The following CA10 variants were observed in gnomAD, a reference collection of about 807,000 sequenced individuals.
CA10 encodes carbonic anhydrase 10 (inactive).
CA10 carries 14 observed loss-of-function variants against 44.2 expected under a neutral mutation model. The ratio of observed to expected loss-of-function variants is 0.32; its 90% CI spans 0.21 to 0.50. CA10 has a LOEUF of 0.50. Ranked by LOEUF, CA10 falls within the 20% of genes least tolerant of loss-of-function variation. CA10 has a pLI of 0.99. For synonymous variants in CA10, 159 were observed against 141.6 expected (o/e 1.12, Z -0.87); for missense variants, 350 against 409.7 (o/e 0.85, Z 1.26).
chr17:52,088,362 T>C (rs538399908), intron 1 of CA10, among the ~76,000 whole-genome samples: 1 of 152,328 alleles, frequency 6.6e-6, no homozygotes, highest in East Asian at 1.9e-4. Context: ...GCAGTCATTC[T>C]ACCTAAGAAA....
chr17:52,023,933 T>A (rs1244866240), intron 2 of CA10, among the ~76,000 whole-genome samples: 1 of 152,174 alleles, frequency 6.6e-6, no homozygotes, highest in Non-Finnish European at 1.5e-5. Flanking sequence ...TTTTACTATG[T>A]TTTACCTATG....
chr17:51,783,973 A>T (rs1039334019), intron 3 of CA10, among the ~76,000 whole-genome samples: 1 of 152,108 alleles, frequency 6.6e-6, no homozygotes, highest in African/African-American at 2.4e-5. Context: ...TCCTTGAAAG[A>T]GGAGGGGCCT....
intron 3 of CA10, among the ~76,000 whole-genome samples, chr17:51,797,885 CTA>C (rs1906778097): frequency 7.4e-6 from 1 of 135,008 alleles, no homozygotes; most frequent in South Asian, 2.7e-4. Context: ...AGAACGAAAT[CTA>C]TATTTGACAA....
Position 51,820,415 on chromosome 17 carries a change from C to A in CA10, c.280-72597G>T, listed in dbSNP as rs1462499260. 2.4e-3 allele frequency among the ~76,000 whole-genome samples: 231 copies of A among 97,380 alleles called. 3 individuals carry two copies. The highest frequency in any genetic ancestry group is 5.8e-3 in the Admixed American group (61 of 10,478). The allele number at this position is 97,380 out of a possible 152,430, so 63.9% of individuals were successfully genotyped here. ...CCTGGGGATTCCCCTACCCCCCCCC[C>A]CCCGCCCGCCGATTTTCCTGTACAA... On this transcript the variant is annotated intron_variant, in intron 3 of 8. Coordinates refer to ENST00000451037, the MANE Select transcript of CA10 (RefSeq NM_020178.5).
At chr17:51,938,957 C>A (rs1982971598) in intron 2 of CA10, among the ~76,000 whole-genome samples, 1 of 151,428 alleles carries the variant, frequency 6.6e-6, no homozygotes. Context: ...AGAAAAAAAC[C>A]AAAGGAAGTA....
At chr17:51,743,215 A>G (rs1305751546) in intron 4 of CA10, among the ~76,000 whole-genome samples, 2 of 152,252 alleles carry the variant, frequency 1.3e-5, no homozygotes, top group African/African-American at 4.8e-5. Context: ...TGTCTAATGT[A>G]TCCCAAATCA....
intron 3 of CA10, among the ~76,000 whole-genome samples, chr17:51,888,779 G>C (rs891579879): frequency 6.6e-6 from 1 of 152,178 alleles, no homozygotes; most frequent in Non-Finnish European, 1.5e-5. Flanking sequence ...GTGTTCTGCT[G>C]TTCCCATTAC....
intron 4 of CA10, among the ~76,000 whole-genome samples, chr17:51,717,537 A>ATATATATATATG (rs1229296359): frequency 1.1e-4 from 3 of 26,550 alleles, no homozygotes; most frequent in African/African-American, 2.1e-4. Context: ...TGGTATATAT[A>ATATATATATATG]TATATATATA....
At chr17:52,074,875 G>T (rs577503083) in intron 1 of CA10, among the ~76,000 whole-genome samples, 2 of 151,486 alleles carry the variant, frequency 1.3e-5, no homozygotes, top group African/African-American at 4.9e-5. Context: ...TTTTTAAATG[G>T]TTGAAAAAAA....
intron 2 of CA10, among the ~76,000 whole-genome samples, chr17:51,968,365 T>A (rs1206799571): frequency 6.6e-6 from 1 of 151,956 alleles, no homozygotes; most frequent in Non-Finnish European, 1.5e-5. Flanking sequence ...AAGTATTCCA[T>A]GTTATAGATG....
At chr17:52,154,075 T>A (rs1264121125) in intron 1 of CA10, among the ~76,000 whole-genome samples, 2 of 152,216 alleles carry the variant, frequency 1.3e-5, no homozygotes, top group African/African-American at 4.8e-5. Flanking sequence ...AATGCTACCT[T>A]AATTCTAGCT....
chr17:51,804,799 CTTTGT>C (rs750597268), intron 3 of CA10, among the ~76,000 whole-genome samples: 167 of 152,288 alleles, frequency 1.1e-3, no homozygotes, highest in Non-Finnish European at 1.8e-3. Flanking sequence ...AGTAACTTGT[CTTTGT>C]TTTATTACCT....
At chr17:51,723,502 C>T (rs965985875) in intron 4 of CA10, among the ~76,000 whole-genome samples, 6 of 152,074 alleles carry the variant, frequency 3.9e-5, no homozygotes, top group South Asian at 2.1e-4. Flanking sequence ...CAGGACAAGA[C>T]GGCATCTACT....
chr17:51,649,225 A>C lies in CA10; in HGVS notation c.591T>G (p.Asn197Lys), dbSNP rs751341888. 1 of 1,613,586 alleles carries C rather than the reference A, an allele frequency of 6.2e-7. No homozygotes were observed. Reference protein sequence around the residue: ...KVSDSSNPFLNRMLNRDTITR... With the variant: ...KVSDSSNPFLKRMLNRDTITR... ...TGATAGTATCTCTGTTGAGCATTCG[A>C]TTAAGAAATGGGTTTGATGAATCAG... The change falls in exon 6 of 9, where the codon AAT becomes AAG. Residue 197 changes from asparagine to lysine, a missense_variant. Transcript: ENST00000451037.
intron 2 of CA10, among the ~76,000 whole-genome samples, chr17:52,045,826 A>G (rs1015121079): frequency 2.0e-5 from 3 of 152,008 alleles, no homozygotes; most frequent in African/African-American, 7.2e-5. Context: ...TGCACGTGGC[A>G]TGTTTTGCAA....
intron 1 of CA10, chr17:52,134,883 C>T: frequency 3.9e-6 from 2 of 519,018 alleles, no homozygotes; most frequent in Non-Finnish European, 7.7e-6. Flanking sequence ...ACTCACCATT[C>T]TCCCTCACCC....
intron 3 of CA10, among the ~76,000 whole-genome samples, chr17:51,815,510 C>G (rs1388885455): frequency 6.6e-6 from 1 of 152,028 alleles, no homozygotes; most frequent in African/African-American, 2.4e-5. Context: ...TGCCTCTTAC[C>G]ATGGATTGGT....
intron 3 of CA10, among the ~76,000 whole-genome samples, chr17:51,905,995 C>T (rs567666102): frequency 3.0e-4 from 45 of 152,234 alleles, no homozygotes; most frequent in Non-Finnish European, 5.3e-4. Flanking sequence ...CCAGCACCTC[C>T]TTTCTTGGAT....
At chr17:52,123,548 G>A (rs1382674421) in intron 1 of CA10, among the ~76,000 whole-genome samples, 2 of 152,134 alleles carry the variant, frequency 1.3e-5, no homozygotes, top group East Asian at 3.8e-4. Flanking sequence ...GTAGAGCAAT[G>A]AGTTTCTGAG....
Sources: allele counts gnomAD v4.1 joint callset (sites outside exome capture counted in the v4.1 genomes callset), GRCh38; gene constraint gnomAD v4.1.1; transcripts MANE v1.5; gene names NCBI Gene and HGNC (gene_info 2026-07-23, HGNC 2026-07-21).